The following PPEF1 variants were observed in gnomAD, a reference collection of about 807,000 sequenced individuals.
PPEF1 encodes the protein protein phosphatase with EF-hand domain 1.
A neutral mutation model predicts 53.3 loss-of-function variants in PPEF1; 12 were observed. The ratio of observed to expected loss-of-function variants is 0.23; its 90% CI spans 0.14 to 0.36. The LOEUF (loss-of-function observed/expected upper bound fraction) is 0.36, where lower values mean the gene tolerates loss of function less well. Ranked by LOEUF, PPEF1 falls within the 10% of genes least tolerant of loss-of-function variation. PPEF1 has a pLI of 1.00. For missense variants in PPEF1, 334 were observed against 490.4 expected, an observed-to-expected ratio of 0.68 and a Z score of 3.01; for synonymous variants, 165 against 176.7, an observed-to-expected ratio of 0.93 and a Z score of 0.52.
intron 13 of PPEF1, among the ~76,000 whole-genome samples, chrX:18,820,677 G>A (rs1286430969): frequency 4.5e-5 from 5 of 110,141 alleles, no homozygotes; most frequent in African/African-American, 6.7e-5. Context: ...GAGCCACCGC[G>A]CCTGGCCAGC....
intron 5 of PPEF1, among the ~76,000 whole-genome samples, chrX:18,758,803 T>A (rs2045601047): frequency 9.0e-6 from 1 of 111,182 alleles, no homozygotes; most frequent in African/African-American, 3.3e-5. Context: ...TAGCCCAAAC[T>A]GAGAATGGGA....
At chrX:18,717,338 A>G (rs187073916) in intron 1 of PPEF1, among the ~76,000 whole-genome samples, 231 of 108,526 alleles carry the variant, frequency 2.1e-3, no homozygotes, top group Middle Eastern at 9.3e-3. Flanking sequence ...TTTAACATTG[A>G]TAGTGTAACA....
chrX:18,737,735 C>A (rs1230548149), intron 3 of PPEF1, among the ~76,000 whole-genome samples: 2 of 110,300 alleles, frequency 1.8e-5, no homozygotes, highest in Non-Finnish European at 3.8e-5. Context: ...TTAAAGTCTC[C>A]CATTATTATT....
intron 3 of PPEF1, among the ~76,000 whole-genome samples, chrX:18,735,102 T>C (rs1376990059): frequency 1.8e-5 from 2 of 111,900 alleles, no homozygotes; most frequent in African/African-American, 6.5e-5. Flanking sequence ...CATGATAGTT[T>C]TTTTGCTGTG....
upstream of PPEF1, among the ~76,000 whole-genome samples, chrX:18,705,583 C>T (rs1048570868): frequency 7.2e-5 from 8 of 111,221 alleles, no homozygotes; most frequent in Non-Finnish European, 1.5e-4. Flanking sequence ...GGCATGGTGG[C>T]GCATGCCTGT....
rs1415937414 is a variant in PPEF1 at position 18,803,951 on chromosome X, C to T, written c.1125C>T (p.Cys375=). 4 of 1,207,895 alleles carry T rather than the reference C, an allele frequency of 3.3e-6. No individual in the cohort carries two copies. The highest frequency in any genetic ancestry group is 3.4e-6 in the Non-Finnish European group (3 of 892,955). Residue 375 remains cysteine (C), a synonymous_variant, in exon 11 of 16, where the codon TGC becomes TGT. Coordinates refer to ENST00000470157, the MANE Select transcript of PPEF1 (RefSeq NM_001377996.1). ...RGKNGCFPNT[C]RGGGCYFGPD... is the part of the protein sequence containing the mutation. ...AAAATGGCTGTTTTCCAAATACGTGCCGAGGAGGGGGCTGCTATTTTGGAC... is the reference window on the plus strand; with the variant it reads ...AAAATGGCTGTTTTCCAAATACGTGTCGAGGAGGGGGCTGCTATTTTGGAC...
intron 10 of PPEF1, among the ~76,000 whole-genome samples, chrX:18,790,910 A>T (rs2046313160): frequency 9.1e-6 from 1 of 110,455 alleles, no homozygotes; most frequent in African/African-American, 3.3e-5. Flanking sequence ...ACCTTAGGTG[A>T]TCTGCCCGCC....
chrX:18,808,260 C>T (rs1049985418), intron 12 of PPEF1, among the ~76,000 whole-genome samples: 8 of 110,220 alleles, frequency 7.3e-5, no homozygotes, highest in African/African-American at 1.6e-4. Context: ...CCACCACGCC[C>T]GGCCGTACGT....
intron 6 of PPEF1, among the ~76,000 whole-genome samples, chrX:18,764,221 G>T (rs2045723584): frequency 9.0e-6 from 1 of 111,613 alleles, no homozygotes. Flanking sequence ...TATTGGCGAT[G>T]AGGTGGGCAA....
At chrX:18,708,624 A>T (rs1205862646) in intron 1 of PPEF1, among the ~76,000 whole-genome samples, 2 of 112,080 alleles carry the variant, frequency 1.8e-5, no homozygotes, top group East Asian at 5.6e-4. Context: ...TTGCCTTTGG[A>T]AGTTTATTCA....
chrX:18,772,035 G>A (rs938066185), intron 6 of PPEF1, among the ~76,000 whole-genome samples: 1 of 111,655 alleles, frequency 9.0e-6, no homozygotes, highest in South Asian at 3.8e-4. Flanking sequence ...GGATTCGCTT[G>A]AGAATCTACA....
chrX:18,775,235 T>TG (rs2045943630), intron 6 of PPEF1, among the ~76,000 whole-genome samples: 1 of 98,875 alleles, frequency 1.0e-5, no homozygotes, highest in Non-Finnish European at 2.0e-5. Flanking sequence ...TTTTTTTTTT[T>TG]GAGACAGAGT....
chrX:18,806,264 C>T (rs1347325364), intron 11 of PPEF1, 139 bp from the exon 12 acceptor site: 1 of 673,054 alleles, frequency 1.5e-6, no homozygotes, highest in Non-Finnish European at 2.2e-6. Context: ...ATAGAAATCA[C>T]ATCAGACTGT....
At chrX:18,811,567 A>G (rs1226249508) in intron 12 of PPEF1, among the ~76,000 whole-genome samples, 3 of 102,471 alleles carry the variant, frequency 2.9e-5, no homozygotes, top group East Asian at 3.1e-4. Flanking sequence ...TCTTTATTCT[A>G]TATACACATC....
At chrX:18,760,875 G>C (rs936617255) in intron 5 of PPEF1, among the ~76,000 whole-genome samples, 13 of 107,895 alleles carry the variant, frequency 1.2e-4, no homozygotes, top group African/African-American at 4.4e-4. Context: ...CACCTCCCGG[G>C]TTCAAGCGAT....
chrX:18,707,914 C>T (rs2044235955), intron 1 of PPEF1, 88 bp downstream of exon 1: 6 of 881,213 alleles, frequency 6.8e-6, no homozygotes, highest in South Asian at 2.3e-5. Context: ...TTTACTCCCA[C>T]GATGCTCAAG....
chrX:18,798,188 T>G (rs1486132069), intron 10 of PPEF1, among the ~76,000 whole-genome samples: 5 of 110,495 alleles, frequency 4.5e-5, no homozygotes, highest in African/African-American at 1.6e-4. Context: ...CTCAAGTGAT[T>G]CTCTCACCTC....
Position 18,718,095 on chromosome X carries a change from T to C in PPEF1, c.46+10269T>C, listed in dbSNP as rs1002252509. Among the ~76,000 whole-genome samples the C allele has an allele frequency of 4.5e-5, 5 of 112,158 alleles. 1 individual carries two copies. Among genetic ancestry groups the C allele is most frequent in the African/African-American group, 1.6e-4 (5 of 30,847 alleles). ...TGGTACTACAAACACATTTAATGCC[T>C]GTATGAAACAGACAAAACAAAACAA... On this transcript the variant is annotated intron_variant, in intron 1 of 15. Transcript: ENST00000470157.
chrX:18,736,773 T>A (rs1180310669), intron 3 of PPEF1, among the ~76,000 whole-genome samples: 1 of 112,596 alleles, frequency 8.9e-6, no homozygotes, highest in African/African-American at 3.2e-5. Context: ...CTTTTTTTGG[T>A]TGGTAGGCTA....
Sources: gnomAD v4.1 joint callset for allele counts (sites outside exome capture counted in the v4.1 genomes callset) on GRCh38, gnomAD v4.1.1 for gene constraint, MANE v1.5 for transcripts, NCBI Gene and HGNC (gene_info 2026-07-23, HGNC 2026-07-21) for gene names.